FASN: variants seen among roughly 807,000 people sequenced by gnomAD.
FASN encodes fatty acid synthase.
A neutral mutation model predicts 250.0 loss-of-function variants in FASN; 50 were observed. The ratio of observed to expected loss-of-function variants is 0.20; its 90% confidence interval spans 0.16 to 0.25. The LOEUF (loss-of-function observed/expected upper bound fraction) is 0.25. Among genes scored for constraint, FASN ranks in the 10% least tolerant of loss-of-function variants. The probability of loss-of-function intolerance (pLI) is 1.00; values close to 1 mark genes in which losing one functional copy is unlikely to be tolerated. For missense variants in FASN, 3,031 were observed against 3,498.5 expected (o/e 0.87, Z 3.37); for synonymous variants, 1,909 against 1,584.0 (o/e 1.21, Z -4.87).
At chr17:82,094,135 C>G in intron 3 of FASN, 2 of 382,096 alleles carry the variant, frequency 5.2e-6, no homozygotes, top group South Asian at 4.4e-5. Context: ...CTGGTGTCAC[C>G]GGCAGCTCTG....
Position 82,081,675 on chromosome 17 carries a change from A to G in FASN, c.6332T>C (p.Leu2111Pro). 1.2e-6 allele frequency: 2 copies of G among 1,612,784 alleles called. No homozygotes were observed. Among genetic ancestry groups the G allele is most frequent in the Non-Finnish European group, 1.7e-6 (2 of 1,179,996 alleles). The change falls in exon 37 of 43, where the codon CTG becomes CCG. Residue 2111 changes from leucine (L) to proline (P), a missense_variant. By Grantham distance (98) the Leu-to-Pro change is moderately conservative. Transcript: ENST00000306749. ...QPHMVLSSFV[L>P]AEKAAAYRDR... ...CCTATAGGCCGCAGCCTTCTCAGCC[A>G]GCACAAAGCTGCTCAGGACCATGTG...
In FASN at chr17:82,081,770, G is replaced by C. The variant is rs1216762754; in HGVS notation, c.6237C>G (p.Ile2079Met). Residue 2079 changes from isoleucine (I) to methionine (M), a missense_variant, in exon 37 of 43, where the codon ATC (isoleucine) becomes ATG (methionine). Physicochemically the swap from Ile to Met is conservative, Grantham distance 10 (BLOSUM62 1). Coordinates refer to ENST00000306749, the MANE Select transcript of FASN (RefSeq NM_004104.5). ...LVETMSTNDTIVSGTLPQRMA... is the reference protein window; with the variant it reads ...LVETMSTNDTMVSGTLPQRMA... ...TGCGCTGGGGCAGCGTGCCACTGAC[G>C]ATCGTGTCGTTGGTGCTCATCGTCT... 4.3e-6 allele frequency: 7 copies of C among 1,612,626 alleles called. No homozygotes were observed. The East Asian group carries it at 1.6e-4, about 36-fold the overall frequency.
At chr17:82,092,140 C>G (rs1033255455) in intron 8 of FASN, among the ~76,000 whole-genome samples, 1 of 152,008 alleles carries the variant, frequency 6.6e-6, no homozygotes, top group South Asian at 2.1e-4. Context: ...CTGATGGTGC[C>G]GTGGACCCCC....
intron 9 of FASN, 63 bp from the exon 10 acceptor site, chr17:82,091,132 T>C: frequency 6.2e-7 from 1 of 1,604,660 alleles, no homozygotes; most frequent in Non-Finnish European, 8.5e-7. Flanking sequence ...CCCATCCCCG[T>C]CCCAGAGAGC....
intron 27 of FASN, 41 bp downstream of exon 27, chr17:82,084,472 C>T: frequency 1.3e-6 from 2 of 1,588,574 alleles, no homozygotes; most frequent in African/African-American, 1.3e-5. Flanking sequence ...GGTCTCTGCT[C>T]CCCGGCCCAG....
chr17:82,083,824 G>T lies in FASN; in HGVS notation c.5166C>A (p.Asn1722Lys). The T allele has an allele frequency of 6.2e-7, 1 of 1,606,378 alleles. No homozygotes were observed. The highest frequency in any genetic ancestry group is 8.5e-7 in the Non-Finnish European group (1 of 1,177,492). Residue 1722 changes from asparagine (N) to lysine (K), a missense_variant, in exon 30 of 43, where the codon AAC (asparagine) becomes AAA (lysine). Physicochemically the swap from Asn to Lys is moderately conservative, Grantham distance 94. Transcript: ENST00000306749. The part of the protein sequence containing the change: ...FPQLDSTSFA[N>K]SRDTSFEQHV... The stretch of plus-strand genomic sequence containing the variant: ...GCTGCTCGAAGGATGTGTCCCGGGA[G>T]TTGGCGAAGCTGGTGCTGTCGAGCT...
At chr17:82,089,208 T>G in intron 13 of FASN, 36 bp from the exon 14 acceptor site, 1 of 1,605,344 alleles carries the variant, frequency 6.2e-7, no homozygotes, top group South Asian at 1.1e-5. Context: ...GGGTTGTGGG[T>G]CCCCTGGCCC....
chr17:82,090,093 G>A (rs1359005977), intron 11 of FASN, among the ~76,000 whole-genome samples: 1 of 152,246 alleles, frequency 6.6e-6, no homozygotes, highest in Non-Finnish European at 1.5e-5. Flanking sequence ...CTTCACCAGA[G>A]CCCCTGGGTT....
At position 82,083,379 on chromosome 17, in the gene FASN, C is replaced by A; in HGVS notation, c.5388G>T (p.Leu1796=). 1 of 1,612,834 alleles carries A rather than the reference C, an allele frequency of 6.2e-7. No individual in the cohort carries two copies. Among genetic ancestry groups the A allele is most frequent in the Non-Finnish European group, 8.5e-7 (1 of 1,180,016 alleles). Reference sequence around the variant, plus strand: ...CACTGCTCTCGTTGAAGAACGCATCCAGTAGGACCCCGTGGAATGTCACGT... The same window carrying A: ...CACTGCTCTCGTTGAAGAACGCATCAAGTAGGACCCCGTGGAATGTCACGT... ...LKNVTFHGVL[L]DAFFNESSAD... Residue 1796 remains leucine, a synonymous_variant, in exon 32 of 43, where the codon CTG becomes CTT. Transcript: ENST00000306749.
rs368641159 is a variant in FASN, at chr17:82,088,832, G to A, written c.2349C>T (p.Pro783=). ...RGLKPSCTII[P]LMKKDHRDNL... Reference sequence around the variant, plus strand: ...TGTCCCTGTGATCCTTCTTCATCAGGGGGATGATGGTGCAGCTCGGCTTCA... The same window carrying A: ...TGTCCCTGTGATCCTTCTTCATCAGAGGGATGATGGTGCAGCTCGGCTTCA... The change falls in exon 15 of 43, where the codon CCC becomes CCT. Residue 783 remains proline (P), a synonymous_variant. Transcript: ENST00000306749. 9 of 1,612,452 alleles carry A rather than the reference G, an allele frequency of 5.6e-6. No individual in the cohort carries two copies. The highest frequency in any genetic ancestry group is 1.3e-5 in the African/African-American group (1 of 74,914).
chr17:82,090,415 G>A lies in FASN; in HGVS notation c.1830C>T (p.Ile610=), dbSNP rs145270309. The change falls in exon 11 of 43, where the codon ATC becomes ATT. Residue 610 remains isoleucine (I), a synonymous_variant. Coordinates refer to ENST00000306749, the MANE Select transcript of FASN (RefSeq NM_004104.5). ...VLAAYWRGQC[I]KEAHLPPGAM... Reference sequence around the variant, plus strand: ...CGCCCGGCGGGAGATGGGCTTCTTTGATGCACTGTCCCCTCCAGTAGGCAG... The same window carrying A: ...CGCCCGGCGGGAGATGGGCTTCTTTAATGCACTGTCCCCTCCAGTAGGCAG... 137 of 1,600,602 alleles carry A rather than the reference G, an allele frequency of 8.6e-5. No homozygotes were observed. The highest frequency in any genetic ancestry group is 1.1e-4 in the Non-Finnish European group (130 of 1,174,872).
In FASN at chr17:82,092,750, C is replaced by T. The variant is rs748571162; in HGVS notation, c.841G>A (p.Gly281Arg). The T allele has an allele frequency of 6.8e-5, 109 of 1,605,302 alleles. No individual in the cohort carries two copies. Among genetic ancestry groups the T allele is most frequent in the Admixed American group, 1.8e-4 (11 of 59,524 alleles). The change falls in exon 7 of 43, where the codon GGA becomes AGA. Residue 281 changes from glycine (G) to arginine (R), a missense_variant. Coordinates refer to ENST00000306749, the MANE Select transcript of FASN (RefSeq NM_004104.5). ...TATTCAAATGACTCAGGGGCCACTC[C>T]GGCCGACTGGTACAACGAGCGGATG... ...QLIRSLYQSA[G>R]VAPESFEYIE...
At position 82,079,454 on chromosome 17, in the gene FASN, G is replaced by A. The variant is rs755372392; in HGVS notation, c.7301C>T (p.Thr2434Ile). Residue 2434 changes from threonine to isoleucine, a missense_variant, in exon 42 of 43, where the codon ACA (threonine) becomes ATA (isoleucine). Coordinates refer to ENST00000306749, the MANE Select transcript of FASN (RefSeq NM_004104.5). ...YYKLRAAEQYTPKAKYHGNVM... is the reference protein window; with the variant it reads ...YYKLRAAEQYIPKAKYHGNVM... ...GTTGCCATGGTACTTGGCCTTGGGT[G>A]TGTACTGCTCAGCGGCACGCAGCTT... 2.1e-5 allele frequency: 34 copies of A among 1,612,916 alleles called. No individual in the cohort carries two copies. In the East Asian group the frequency reaches 6.7e-4, roughly 32 times the overall value.
In FASN at chr17:82,083,424, G is replaced by C; in HGVS notation, c.5343C>G (p.Gly1781=). The C allele has an allele frequency of 1.2e-6, 2 of 1,612,742 alleles. No individual in the cohort carries two copies. The highest frequency in any genetic ancestry group is 2.2e-5 in the South Asian group (2 of 91,088). The change falls in exon 32 of 43, where the codon GGC becomes GGG. Residue 1781 remains glycine, a splice_region_variant and synonymous_variant. Coordinates refer to ENST00000306749, the MANE Select transcript of FASN (RefSeq NM_004104.5). Reference sequence around the variant, plus strand: ...TCACGTTCTTCAGGAAGATAGCCATGCCTGCGGGCAGGGGCCGTGCTCACC... The same window carrying C: ...TCACGTTCTTCAGGAAGATAGCCATCCCTGCGGGCAGGGGCCGTGCTCACC... ...KFDLSQNHPL[G]MAIFLKNVTF... is the part of the protein sequence containing the mutation.
Position 82,084,673 on chromosome 17 carries a change from G to C in FASN, c.4608C>G (p.Leu1536=). 1 of 1,584,760 alleles carries C rather than the reference G, an allele frequency of 6.3e-7. No individual in the cohort carries two copies. The highest frequency in any genetic ancestry group is 8.6e-7 in the Non-Finnish European group (1 of 1,166,188). The change falls in exon 27 of 43, where the codon CTC becomes CTG. Residue 1536 remains leucine, a synonymous_variant. Transcript: ENST00000306749. ...EPTAHAFVST[L]TRGDLSSIRW... is the part of the protein sequence containing the mutation. Reference sequence around the variant, plus strand: ...GGATGGAGGACAGGTCCCCCCGGGTGAGGGTGCTCACAAAGGCATGTGCCG... The same window carrying C: ...GGATGGAGGACAGGTCCCCCCGGGTCAGGGTGCTCACAAAGGCATGTGCCG...
In FASN at chr17:82,085,748, C is replaced by T. The variant is rs776776391; in HGVS notation, c.3856G>A (p.Glu1286Lys). The T allele has an allele frequency of 2.0e-5, 32 of 1,564,308 alleles. No homozygotes were observed. The highest frequency in any genetic ancestry group is 7.0e-5 in the South Asian group (6 of 85,446). The part of the protein sequence containing the change: ...HPQALEAAQA[E>K]LQQHDVAQGQ... ...TGGGCAACGTCGTGCTGCTGCAGCT[C>T]GGCCTGGGCAGCCTCCAGGGCCTGG... The change falls in exon 23 of 43, where the codon GAG becomes AAG. Residue 1286 changes from glutamate (E) to lysine (K), a missense_variant. Physicochemically the swap from Glu to Lys is moderately conservative, Grantham distance 56. Coordinates refer to ENST00000306749, the MANE Select transcript of FASN (RefSeq NM_004104.5).
In FASN at chr17:82,087,077, G is replaced by A. The variant is rs2034117444; in HGVS notation, c.3400C>T (p.Leu1134=). Residue 1134 remains leucine (L), a synonymous_variant, in exon 21 of 43, where the codon CTG becomes TTG. Transcript: ENST00000306749. ...TTGCACAGTTGCAGCTCCTCCTGCA[G>A]GGCAGCGCGCTCAGACAGGCACCCC... ...EEGCLSERAA[L]QEELQLCKGL... 1.2e-6 allele frequency: 2 copies of A among 1,611,516 alleles called. No homozygotes were observed. The highest frequency in any genetic ancestry group is 1.7e-6 in the Non-Finnish European group (2 of 1,179,930).
Position 82,083,984 on chromosome 17 carries a change from T to C in FASN, c.5089A>G (p.Thr1697Ala), listed in dbSNP as rs1223219113. The change falls in exon 29 of 43, where the codon ACC becomes GCC. Residue 1697 changes from threonine (T) to alanine (A), a missense_variant. Coordinates refer to ENST00000306749, the MANE Select transcript of FASN (RefSeq NM_004104.5). ...GGGGGCGGGGCCTTACCCACGGTGG[T>C]GAAGACGCGGCAGCCCAGACTGAGG... ...IALSLGCRVF[T>A]TVGSAEKRAY... The C allele has an allele frequency of 6.5e-7, 1 of 1,539,744 alleles. No individual in the cohort carries two copies. The highest frequency in any genetic ancestry group is 1.4e-5 in the African/African-American group (1 of 72,946).
At chr17:82,093,881 G>A (rs2144809002) in intron 3 of FASN, 110 bp from the exon 4 acceptor site, 2 of 1,188,130 alleles carry the variant, frequency 1.7e-6, no homozygotes, top group South Asian at 2.6e-5. Flanking sequence ...CTGGCTTGGG[G>A]TGAGGGGGGG....
Sources: gnomAD v4.1 joint callset for allele counts (sites outside exome capture counted in the v4.1 genomes callset) on GRCh38, gnomAD v4.1.1 for gene constraint, MANE v1.5 for transcripts, NCBI Gene and HGNC (gene_info 2026-07-23, HGNC 2026-07-21) for gene names.